The following MICU3 variants were observed in gnomAD, a reference collection of about 807,000 sequenced individuals.
MICU3 encodes the protein calcium uptake protein 3, mitochondrial.
MICU3 carries 62 observed loss-of-function variants against 66.5 expected under a neutral mutation model. The ratio of observed to expected loss-of-function variants is 0.93; its 90% CI spans 0.76 to 1.15. The LOEUF is 1.15. MICU3 is among the 50% of genes most tolerant of loss of function. The pLI is 0.00. For missense variants in MICU3, 779 were observed against 664.4 expected (o/e 1.17, Z -1.90); for synonymous variants, 308 against 240.7 (o/e 1.28, Z -2.59).
At chr8:17,090,735 G>A (rs967144498) in intron 8 of MICU3, 151 bp downstream of exon 8, 2 of 503,628 alleles carry the variant, frequency 4.0e-6, no homozygotes, top group Non-Finnish European at 3.4e-6. Flanking sequence ...AAGCCATAAT[G>A]TTACATTTCA....
chr8:17,031,791 C>G (rs150870307), intron 1 of MICU3, among the ~76,000 whole-genome samples: 1 of 152,094 alleles, frequency 6.6e-6, no homozygotes, highest in East Asian at 1.9e-4. Context: ...AAATACAGTT[C>G]TCTTATATGA....
chr8:17,036,780 A>C (rs1436179521), intron 1 of MICU3, among the ~76,000 whole-genome samples: 2 of 152,214 alleles, frequency 1.3e-5, no homozygotes, highest in Non-Finnish European at 2.9e-5. Flanking sequence ...CCAGGGCTGC[A>C]GGTGGAGCTA....
chr8:17,071,807 T>C (rs1218546832), intron 3 of MICU3, among the ~76,000 whole-genome samples: 1 of 152,006 alleles, frequency 6.6e-6, no homozygotes, highest in Non-Finnish European at 1.5e-5. Context: ...TTGAATAAAA[T>C]GCATTTCATA....
intron 1 of MICU3, among the ~76,000 whole-genome samples, chr8:17,052,424 AC>A (rs1177808762): frequency 6.6e-6 from 1 of 152,118 alleles, no homozygotes; most frequent in Non-Finnish European, 1.5e-5. Context: ...CAGTCACCCT[AC>A]TGTGCTATTG....
At chr8:17,111,144 G>A (rs557555872) in intron 11 of MICU3, among the ~76,000 whole-genome samples, 2 of 151,966 alleles carry the variant, frequency 1.3e-5, no homozygotes, top group Admixed American at 1.3e-4. Flanking sequence ...CCATTTCTTT[G>A]GAGAAATGAT....
chr8:17,048,915 A>G (rs1006050717), intron 1 of MICU3, among the ~76,000 whole-genome samples: 7 of 152,082 alleles, frequency 4.6e-5, no homozygotes, highest in Non-Finnish European at 8.8e-5. Context: ...AAGGCACCCA[A>G]CCTGTCTTTG....
chr8:17,033,713 A>G (rs1320641686), intron 1 of MICU3, among the ~76,000 whole-genome samples: 1 of 152,148 alleles, frequency 6.6e-6, no homozygotes, highest in African/African-American at 2.4e-5. Flanking sequence ...CTGGGATTAC[A>G]GTGTGAGCCA....
chr8:17,131,840 T>A, the MICU3 span: 2 of 152,150 alleles, frequency 1.3e-5, no homozygotes, highest in Non-Finnish European at 2.9e-5. Flanking sequence ...AGGAGAAATA[T>A]TTCCAAAATC....
chr8:17,074,480 A>C (rs1820079572), intron 3 of MICU3, among the ~76,000 whole-genome samples: 1 of 152,076 alleles, frequency 6.6e-6, no homozygotes, highest in Non-Finnish European at 1.5e-5. Flanking sequence ...ATTAAATGTA[A>C]AGGGTAAATT....
intron 1 of MICU3, among the ~76,000 whole-genome samples, chr8:17,059,460 C>T (rs943293142): frequency 2.0e-5 from 3 of 152,110 alleles, no homozygotes; most frequent in Admixed American, 6.6e-5. Context: ...GTCAAGAGTG[C>T]TTAATATTAC....
At chr8:17,085,176 T>A in intron 5 of MICU3, 60 bp from the exon 6 acceptor site, 1 of 1,142,546 alleles carries the variant, frequency 8.8e-7, no homozygotes, top group South Asian at 1.3e-5. Context: ...CTAATATGGA[T>A]TTTGTACTTT....
chr8:17,041,243 A>G (rs1483399247), intron 1 of MICU3, among the ~76,000 whole-genome samples: 3 of 152,130 alleles, frequency 2.0e-5, no homozygotes, highest in Admixed American at 6.5e-5. Context: ...AAAGTCTGCA[A>G]AAGCTGAAAA....
chr8:17,041,266 C>G (rs1482677639), intron 1 of MICU3, among the ~76,000 whole-genome samples: 1 of 139,238 alleles, frequency 7.2e-6, no homozygotes, highest in South Asian at 2.2e-4. Flanking sequence ...TGGGTCAAGA[C>G]AGGTTAAAAA....
At chr8:17,043,954 T>TC (rs1814639860) in intron 1 of MICU3, among the ~76,000 whole-genome samples, 1 of 152,228 alleles carries the variant, frequency 6.6e-6, no homozygotes, top group Non-Finnish European at 1.5e-5. Flanking sequence ...ATGAAAAATA[T>TC]CCCACATATA....
At chr8:17,073,900 G>A (rs1170004522) in intron 3 of MICU3, among the ~76,000 whole-genome samples, 1 of 152,092 alleles carries the variant, frequency 6.6e-6, no homozygotes, top group African/African-American at 2.4e-5. Flanking sequence ...AGGGCAAGTT[G>A]CAAAATAATA....
chr8:17,061,522 C>G (rs1199440206), intron 1 of MICU3, among the ~76,000 whole-genome samples: 1 of 152,014 alleles, frequency 6.6e-6, no homozygotes, highest in East Asian at 1.9e-4. Flanking sequence ...GAGACAGAAG[C>G]CACAGATCAA....
intron 3 of MICU3, among the ~76,000 whole-genome samples, chr8:17,070,498 C>G (rs1258879482): frequency 6.6e-6 from 1 of 152,078 alleles, no homozygotes; most frequent in Non-Finnish European, 1.5e-5. Flanking sequence ...AGAAAGTATT[C>G]ATCTTCAGGA....
At chr8:17,044,510 C>G (rs1405323498) in intron 1 of MICU3, among the ~76,000 whole-genome samples, 1 of 152,064 alleles carries the variant, frequency 6.6e-6, no homozygotes, top group African/African-American at 2.4e-5. Context: ...GCACTGAAGA[C>G]AGAGGGATCA....
chr8:17,137,585 G>T, the MICU3 span, among the ~76,000 whole-genome samples: 1 of 150,124 alleles, frequency 6.7e-6, no homozygotes, highest in African/African-American at 2.4e-5. Context: ...AAACTATGTA[G>T]CCCATCTTTT....
Sources: gnomAD v4.1 joint callset for allele counts (sites outside exome capture counted in the v4.1 genomes callset) on GRCh38, gnomAD v4.1.1 for gene constraint, MANE v1.5 for transcripts, NCBI Gene and HGNC (gene_info 2026-07-23, HGNC 2026-07-21) for gene names.